Variants in GPR158 observed in about 807,000 individuals in gnomAD.
GPR158 encodes metabotropic glycine receptor.
In GPR158, 30 loss-of-function variants were observed where a neutral mutation model predicts 78.2. The observed-to-expected ratio is 0.38, with a 90% CI of 0.29 to 0.52. GPR158 has a LOEUF of 0.52. GPR158 is among the 20% of genes least tolerant of loss of function. The pLI, the probability that GPR158 is intolerant of heterozygous loss-of-function variation, is 0.83. For synonymous variants in GPR158, 581 were observed against 591.1 expected (o/e 0.98, Z 0.25); for missense variants, 1,463 against 1,523.5 (o/e 0.96, Z 0.66).
chr10:25,567,513 G>A (rs1437654923), intron 6 of GPR158, among the ~76,000 whole-genome samples: 1 of 152,154 alleles, frequency 6.6e-6, no homozygotes, highest in African/African-American at 2.4e-5. Context: ...AAGTGCTGGT[G>A]TCGATGGCAA....
chr10:25,237,370 G>C (rs1853538852), intron 2 of GPR158, among the ~76,000 whole-genome samples: 1 of 152,106 alleles, frequency 6.6e-6, no homozygotes, highest in African/African-American at 2.4e-5. Flanking sequence ...TCATTTCATT[G>C]CAAGCAGTCC....
Position 25,242,775 on chromosome 10 carries a change from C to T in GPR158, c.1008+21618C>T, listed in dbSNP as rs143139322. Among the ~76,000 whole-genome samples, 921 of 152,206 alleles carry T rather than the reference C, an allele frequency of 6.1e-3. 6 individuals carry two copies. The highest frequency in any genetic ancestry group is 0.044 in the Middle Eastern group (13 of 294). ...CCAATTTTATCAGAATATGTGGAGT[C>T]TTTCTGTTACATTCAGGGAATCTCA... On this transcript the variant is annotated intron_variant, in intron 2 of 10. Coordinates refer to ENST00000376351, the MANE Select transcript of GPR158 (RefSeq NM_020752.3).
At chr10:25,584,883 G>A (rs985609321) in intron 7 of GPR158, among the ~76,000 whole-genome samples, 2 of 152,248 alleles carry the variant, frequency 1.3e-5, no homozygotes, top group Non-Finnish European at 1.5e-5. Context: ...AAGGGAGGTT[G>A]TGGGTTTTGC....
chr10:25,357,281 A>C (rs1219929298), intron 2 of GPR158, among the ~76,000 whole-genome samples: 1 of 152,148 alleles, frequency 6.6e-6, no homozygotes, highest in Non-Finnish European at 1.5e-5. Flanking sequence ...GTAATACAAA[A>C]GAAAATCCAT....
At chr10:25,343,009 TA>T (rs1186170706) in intron 2 of GPR158, among the ~76,000 whole-genome samples, 2 of 151,854 alleles carry the variant, frequency 1.3e-5, no homozygotes, top group Non-Finnish European at 2.9e-5. Flanking sequence ...ACTGATCAAG[TA>T]AAATATCAAT....
At position 25,519,347 on chromosome 10, in the gene GPR158, T is replaced by C. The variant is rs1214026752; in HGVS notation, c.1405-31629T>C. Among the ~76,000 whole-genome samples, 35 of 142,232 alleles carry C rather than the reference T, an allele frequency of 2.5e-4. 1 individual carries two copies. The South Asian group carries it at 7.4e-3, about 30-fold the overall frequency. The allele number at this position is 142,232 out of a possible 152,430, so 93.3% of individuals were successfully genotyped here. ...TATCCAATTTGCCAGTCTGTGTCTT[T>C]TAATTGGAGAATTTAGTCCATTTAC... On this transcript the variant is annotated intron_variant, in intron 5 of 10. Transcript: ENST00000376351.
intron 6 of GPR158, among the ~76,000 whole-genome samples, chr10:25,567,551 G>T (rs1050273073): frequency 6.6e-6 from 1 of 152,112 alleles, no homozygotes; most frequent in African/African-American, 2.4e-5. Flanking sequence ...ACATGAAGGA[G>T]ATGTAGGATT....
intron 1 of GPR158, among the ~76,000 whole-genome samples, chr10:25,207,561 G>A (rs1853060110): frequency 6.6e-6 from 1 of 152,142 alleles, no homozygotes; most frequent in Non-Finnish European, 1.5e-5. Context: ...TCACAATAGT[G>A]TTTGTGCTCC....
chr10:25,413,315 A>G (rs1834618037), intron 4 of GPR158, among the ~76,000 whole-genome samples: 1 of 152,210 alleles, frequency 6.6e-6, no homozygotes, highest in Non-Finnish European at 1.5e-5. Flanking sequence ...TGGCTGACAG[A>G]GTGAGACCCT....
chr10:25,414,906 G>C (rs1413735595), intron 4 of GPR158, among the ~76,000 whole-genome samples: 1 of 152,094 alleles, frequency 6.6e-6, no homozygotes, highest in Non-Finnish European at 1.5e-5. Context: ...AGATTGTTTA[G>C]ATTTGAATAC....
chr10:25,399,020 G>C (rs1469215410), intron 3 of GPR158, among the ~76,000 whole-genome samples: 2 of 152,200 alleles, frequency 1.3e-5, no homozygotes, highest in African/African-American at 4.8e-5. Context: ...TGAAGAAATA[G>C]TCAAGACTGA....
intron 2 of GPR158, among the ~76,000 whole-genome samples, chr10:25,290,548 G>A (rs1854420266): frequency 6.6e-6 from 1 of 152,034 alleles, no homozygotes; most frequent in Admixed American, 6.6e-5. Flanking sequence ...GAAAGGCAAG[G>A]GCAGTAGAAA....
chr10:25,476,699 C>G (rs1279338278), intron 5 of GPR158, among the ~76,000 whole-genome samples: 2 of 152,116 alleles, frequency 1.3e-5, no homozygotes, highest in African/African-American at 2.4e-5. Context: ...CTCTTATCTT[C>G]TGGTCTGCTG....
At chr10:25,383,496 A>C (rs995747198) in intron 2 of GPR158, among the ~76,000 whole-genome samples, 2 of 152,220 alleles carry the variant, frequency 1.3e-5, no homozygotes, top group Non-Finnish European at 2.9e-5. Context: ...TTTCGTTTTC[A>C]GGAAATTTAG....
At position 25,415,890 on chromosome 10, in the gene GPR158, T is replaced by C. The variant is rs545416932; in HGVS notation, c.1335+3417T>C. Among the ~76,000 whole-genome samples, 95 of 152,178 alleles carry C rather than the reference T, an allele frequency of 6.2e-4. 5 individuals are homozygous for C. In the South Asian group the frequency reaches 0.02, roughly 31 times the overall value. On this transcript the variant is annotated intron_variant, in intron 4 of 10. Coordinates refer to ENST00000376351, the MANE Select transcript of GPR158 (RefSeq NM_020752.3). The stretch of plus-strand genomic sequence containing the variant: ...CCACTAATGAGTTCAGGGTTTCTTT[T>C]TGGAAAGACAAAAATGTTACAAAAT...
In GPR158 at chr10:25,550,934, A is replaced by G. The variant is rs367646192; in HGVS notation, c.1405-42A>G. The G allele has an allele frequency of 3.0e-5, 30 of 985,072 alleles. No homozygotes were observed. The African/African-American group carries it at 4.0e-4, about 13-fold the overall frequency. 61.0% of individuals were successfully genotyped at this position (985,072 alleles called of 1,614,324 possible). ...AGATATTGACTTGGGTCTGTGGGTCATCAGTTGATCCTGAAGGTCTCTTTC... is the reference window on the plus strand; with the variant it reads ...AGATATTGACTTGGGTCTGTGGGTCGTCAGTTGATCCTGAAGGTCTCTTTC... On this transcript the variant is annotated intron_variant, in intron 5 of 10. Coordinates refer to ENST00000376351, the MANE Select transcript of GPR158 (RefSeq NM_020752.3).
chr10:25,412,736 C>A (rs1834609716), intron 4 of GPR158, among the ~76,000 whole-genome samples: 2 of 152,178 alleles, frequency 1.3e-5, no homozygotes, highest in African/African-American at 4.8e-5. Flanking sequence ...AATGACTCTC[C>A]TTTACATCAT....
chr10:25,338,169 G>A (rs1214307151), intron 2 of GPR158, among the ~76,000 whole-genome samples: 1 of 151,116 alleles, frequency 6.6e-6, no homozygotes, highest in Admixed American at 6.6e-5. Context: ...TAGTTTCTGT[G>A]TTATGACTAA....
At chr10:25,392,801 A>G (rs1345262150) in intron 2 of GPR158, among the ~76,000 whole-genome samples, 1 of 152,178 alleles carries the variant, frequency 6.6e-6, no homozygotes. Flanking sequence ...TTGCAAGTTT[A>G]TTGAAAATTT....
Sources: allele counts gnomAD v4.1 joint callset (sites outside exome capture counted in the v4.1 genomes callset), GRCh38; gene constraint gnomAD v4.1.1; transcripts MANE v1.5; gene names NCBI Gene and HGNC (gene_info 2026-07-23, HGNC 2026-07-21).